The following GEMIN5 variants were observed in gnomAD, a reference collection of about 807,000 sequenced individuals.
GEMIN5 encodes the protein gem-associated protein 5.
In GEMIN5, 124 loss-of-function variants were observed where a neutral mutation model predicts 176.9. The observed-to-expected ratio is 0.70, with a 90% confidence interval of 0.61 to 0.81. GEMIN5 has a LOEUF of 0.81. Among genes scored for constraint, GEMIN5 ranks in the 40% least tolerant of loss-of-function variants. The pLI, the probability that GEMIN5 is intolerant of heterozygous loss-of-function variation, is 0.00. For synonymous variants in GEMIN5, 673 were observed against 665.2 expected (o/e 1.01, Z -0.18); for missense variants, 1,843 against 1,814.6 (o/e 1.02, Z -0.28).
At chr5:154,904,849 T>C (rs903930389) in intron 17 of GEMIN5, among the ~76,000 whole-genome samples, 1 of 152,150 alleles carries the variant, frequency 6.6e-6, no homozygotes, top group African/African-American at 2.4e-5. Flanking sequence ...TGTCAACAAC[T>C]GCAAAACATT....
At chr5:154,890,192 G>A (rs1448011576) in intron 26 of GEMIN5, among the ~76,000 whole-genome samples, 3 of 152,148 alleles carry the variant, frequency 2.0e-5, no homozygotes, top group Non-Finnish European at 4.4e-5. Flanking sequence ...GTTTTGATTT[G>A]CATTTCCCCA....
chr5:154,907,708 C>T lies in GEMIN5; in HGVS notation c.2278G>A (p.Gly760Arg), dbSNP rs1763598674. 3 of 1,613,954 alleles carry T rather than the reference C, an allele frequency of 1.9e-6. No individual in the cohort carries two copies. Among genetic ancestry groups the T allele is most frequent in the South Asian group, 2.2e-5 (2 of 91,072 alleles). ...TCCTTCATGCTTTCTTCTTCATTTC[C>T]ATCAATCGATTCCAGCTTTACAGGA... ...RTPVKLESID[G>R]NEEESMKENS... The change falls in exon 16 of 28, where the codon GGA (glycine) becomes AGA (arginine). Residue 760 changes from glycine to arginine, a missense_variant. By Grantham distance (125) the Gly-to-Arg change is moderately radical. Transcript: ENST00000285873.
rs151275364 is a variant in GEMIN5, at chr5:154,892,240, C to T, written c.3760+147G>A. On this transcript the variant is annotated intron_variant, in intron 25 of 27. Coordinates refer to ENST00000285873, the MANE Select transcript of GEMIN5 (RefSeq NM_015465.5). ...ACAGTATAGTTGTTCTTAAAAGCTT[C>T]GGTAAGAGAATCCAAACTTTCTACT... 1.8e-3 allele frequency: 1,180 copies of T among 663,164 alleles called. 13 individuals are homozygous for T. The highest frequency in any genetic ancestry group is 0.015 in the East Asian group (541 of 36,260). The allele number at this position is 663,164 out of a possible 1,614,324, so 41.1% of individuals were successfully genotyped here. A position where few individuals can be genotyped will look rare whatever the true frequency, so the allele number is the denominator to read the frequency against.
intron 14 of GEMIN5, among the ~76,000 whole-genome samples, chr5:154,912,196 C>T (rs1763716879): frequency 6.6e-6 from 1 of 152,160 alleles, no homozygotes; most frequent in African/African-American, 2.4e-5. Flanking sequence ...AACTTTTGGG[C>T]TTGAGATTCT....
At chr5:154,892,579 A>G in intron 24 of GEMIN5, 30 bp from the exon 25 acceptor site, 1 of 1,607,570 alleles carries the variant, frequency 6.2e-7, no homozygotes, top group Non-Finnish European at 8.5e-7. Flanking sequence ...TCTGAGTTAA[A>G]CATCCTCCCA....
At chr5:154,917,805 A>G (rs1289728318) in intron 12 of GEMIN5, 126 bp downstream of exon 12, 3 of 688,070 alleles carry the variant, frequency 4.4e-6, no homozygotes. Flanking sequence ...GGAGGATATC[A>G]AGAATAAATC....
intron 24 of GEMIN5, 37 bp from the exon 25 acceptor site, chr5:154,892,586 C>A (rs1763254660): frequency 6.2e-7 from 1 of 1,602,428 alleles, no homozygotes; most frequent in African/African-American, 1.3e-5. Context: ...TAAACATCCT[C>A]CCACGGTAGG....
chr5:154,911,946 T>C (rs767997808), intron 14 of GEMIN5, 48 bp from the exon 15 acceptor site: 2 of 1,526,614 alleles, frequency 1.3e-6, no homozygotes, highest in East Asian at 4.6e-5. Flanking sequence ...GGTTATTCTA[T>C]TGTTTGGGCA....
chr5:154,938,104 G>A lies in GEMIN5; in HGVS notation c.30C>T (p.Pro10=), dbSNP rs928047731. The change falls in exon 1 of 28, where the codon CCC becomes CCT. Residue 10 remains proline (P), a synonymous_variant. Coordinates refer to ENST00000285873, the MANE Select transcript of GEMIN5 (RefSeq NM_015465.5). MGQEPRTLP[P]SPNWYCARCS... is the part of the protein sequence containing the mutation. The stretch of plus-strand genomic sequence containing the variant: ...AGCGGGCGCAGTACCAGTTGGGGGA[G>A]GGCGGCAGCGTCCGCGGCTCCTGCC... The A allele has an allele frequency of 2.4e-5, 34 of 1,417,654 alleles. No individual in the cohort carries two copies. The highest frequency in any genetic ancestry group is 2.8e-5 in the Non-Finnish European group (30 of 1,083,202). 87.8% of individuals were successfully genotyped at this position (1,417,654 alleles called of 1,614,324 possible). A position where few individuals can be genotyped will look rare whatever the true frequency, so the allele number is the denominator to read the frequency against.
rs111655923 is a variant in GEMIN5 at position 154,892,032 on chromosome 5, T to C, written c.3761-290A>G. On this transcript the variant is annotated intron_variant, in intron 25 of 27. Coordinates refer to ENST00000285873, the MANE Select transcript of GEMIN5 (RefSeq NM_015465.5). ...CTGGGGCCACGACAACAGATCACAC[T>C]GTCTCTCTGAAAAATCACAATGATT... Among the ~76,000 whole-genome samples, 211 of 152,356 alleles carry C rather than the reference T, an allele frequency of 1.4e-3. 1 individual carries two copies. Among genetic ancestry groups the C allele is most frequent in the African/African-American group, 4.9e-3 (203 of 41,588 alleles).
At position 154,917,140 on chromosome 5, in the gene GEMIN5, G is replaced by C; in HGVS notation, c.1713C>G (p.Ile571Met). The change falls in exon 13 of 28, where the codon ATC (isoleucine) becomes ATG (methionine). Residue 571 changes from isoleucine to methionine, a missense_variant. Transcript: ENST00000285873. ...EIFQIPNLKLICTIQQHHKLV... is the reference protein window; with the variant it reads ...EIFQIPNLKLMCTIQQHHKLV... ...GCTTGTGATGCTGTTGGATAGTACAGATCAGTTTCAGGTTGGGAATCTGAA... is the reference window on the plus strand; with the variant it reads ...GCTTGTGATGCTGTTGGATAGTACACATCAGTTTCAGGTTGGGAATCTGAA... The C allele has an allele frequency of 3.2e-6, 5 of 1,547,414 alleles. No individual in the cohort carries two copies. Among genetic ancestry groups the C allele is most frequent in the Non-Finnish European group, 4.4e-6 (5 of 1,136,290 alleles).
rs746629470 is a variant in GEMIN5, at chr5:154,924,373, G to A, written c.1379+96C>T. 2.1e-4 allele frequency: 154 copies of A among 719,030 alleles called. 3 individuals carry two copies. In the Middle Eastern group the frequency reaches 6.0e-3, roughly 28 times the overall value. The allele number at this position is 719,030 out of a possible 1,614,324, so 44.5% of individuals were successfully genotyped here. ...GTGGTCTTCAAATTGAAAAGGCAAC[G>A]TTATGAAAAGGAAAGTGAGGGATTA... On this transcript the variant is annotated intron_variant, in intron 9 of 27. Transcript: ENST00000285873.
intron 15 of GEMIN5, 126 bp downstream of exon 15, chr5:154,911,601 T>G: frequency 1.4e-6 from 1 of 724,892 alleles, no homozygotes; most frequent in East Asian, 2.6e-5. Context: ...CTTTCTTGCT[T>G]AGGCTCAGAC....
Position 154,901,445 on chromosome 5 carries a change from T to A in GEMIN5, c.2908A>T (p.Lys970Ter), listed in dbSNP as rs1561712955. The A allele has an allele frequency of 6.2e-7, 1 of 1,613,886 alleles. No individual in the cohort carries two copies. The highest frequency in any genetic ancestry group is 1.1e-5 in the South Asian group (1 of 91,076). The change falls in exon 21 of 28, where the codon AAA becomes TAA. Residue 970 changes from lysine (K) to a stop codon, truncating the protein, a stop_gained. Transcript: ENST00000285873. LOFTEE classifies it high-confidence loss of function. ...VWLWAVEAFA[K>*]QLCFQDQYVK... ...TACTGATCCTGAAAACACAGCTGTT[T>A]GGCAAAAGCTTCCACAGCCCATAGC...
chr5:154,936,886 A>T, intron 2 of GEMIN5, 139 bp downstream of exon 2: 1 of 682,800 alleles, frequency 1.5e-6, no homozygotes, highest in Non-Finnish European at 2.5e-6. Flanking sequence ...GAGACATCTT[A>T]CAATATAGTT....
chr5:154,901,274 T>G, intron 21 of GEMIN5, 65 bp downstream of exon 21: 4 of 1,420,738 alleles, frequency 2.8e-6, no homozygotes, highest in Non-Finnish European at 3.9e-6. Flanking sequence ...ACTTTAACAA[T>G]AGAGAAGTTT....
chr5:154,899,358 T>C, intron 21 of GEMIN5, 48 bp from the exon 22 acceptor site: 4 of 1,547,868 alleles, frequency 2.6e-6, no homozygotes, highest in South Asian at 1.2e-5. Flanking sequence ...GGCTCCTCTG[T>C]GTATGGTCCT....
intron 7 of GEMIN5, among the ~76,000 whole-genome samples, chr5:154,926,628 A>G (rs1764042741): frequency 6.6e-6 from 1 of 152,224 alleles, no homozygotes; most frequent in Non-Finnish European, 1.5e-5. Context: ...AAAGATTTCT[A>G]TTCTGCTACA....
chr5:154,931,322 G>A, intron 5 of GEMIN5, 136 bp downstream of exon 5: 1 of 779,888 alleles, frequency 1.3e-6, no homozygotes. Flanking sequence ...GCTCAAATGA[G>A]GAAGCAGAAT....
Sources: gnomAD v4.1 joint callset for allele counts (sites outside exome capture counted in the v4.1 genomes callset) on GRCh38, gnomAD v4.1.1 for gene constraint, MANE v1.5 for transcripts, NCBI Gene and HGNC (gene_info 2026-07-23, HGNC 2026-07-21) for gene names.